PCDHGB4: variants seen among roughly 807,000 people sequenced by gnomAD.
PCDHGB4 encodes protocadherin gamma subfamily B, 4.
PCDHGB4 carries 38 observed loss-of-function variants against 60.5 expected under a neutral mutation model. That is an observed-to-expected ratio of 0.63 (90% confidence interval 0.48 to 0.82). The LOEUF is 0.82. PCDHGB4 is among the 40% of genes least tolerant of loss of function. The pLI is 0.00. For missense variants in PCDHGB4, 1,109 were observed against 1,209.6 expected, an observed-to-expected ratio of 0.92 and a Z score of 1.23; for synonymous variants, 456 against 509.7, an observed-to-expected ratio of 0.89 and a Z score of 1.42.
intron 2 of PCDHGB4, among the ~76,000 whole-genome samples, chr5:141,501,092 C>A: frequency 6.6e-6 from 1 of 152,118 alleles, no homozygotes; most frequent in East Asian, 1.9e-4. Flanking sequence ...TGGTCTCAAT[C>A]TCTTGACCTC....
At chr5:141,392,806 A>C (rs2092599321) in intron 1 of PCDHGB4, 1 of 1,576,662 alleles carries the variant, frequency 6.3e-7, no homozygotes, top group Non-Finnish European at 8.6e-7. Flanking sequence ...TTCTGCAGCA[A>C]AACAACAATG....
chr5:141,490,243 G>A lies in PCDHGB4; in HGVS notation c.2398-4564G>A, dbSNP rs1431165990. 1 of 1,614,238 alleles carries A rather than the reference G, an allele frequency of 6.2e-7. No individual in the cohort carries two copies. The highest frequency in any genetic ancestry group is 8.5e-7 in the Non-Finnish European group (1 of 1,180,038). The stretch of plus-strand genomic sequence containing the variant: ...ACAGCCTGCCATGGAGGGCCACTGT[G>A]TGATTCAAGTGGATGTGGGGGATGT... On this transcript the variant is annotated intron_variant, in intron 1 of 3. Coordinates refer to ENST00000519479, the MANE Select transcript of PCDHGB4 (RefSeq NM_003736.4). This position sits in a 1 kb window ranked among gnomAD's most constrained non-coding sequence, Gnocchi z 5.4.
Position 141,421,318 on chromosome 5 carries a change from C to T in PCDHGB4, c.2397+31037C>T, listed in dbSNP as rs370020854. 5.6e-6 allele frequency: 9 copies of T among 1,613,824 alleles called. No homozygotes were observed. In the East Asian group the frequency reaches 2.0e-4, roughly 36 times the overall value. On this transcript the variant is annotated intron_variant, in intron 1 of 3. Coordinates refer to ENST00000519479, the MANE Select transcript of PCDHGB4 (RefSeq NM_003736.4). ...GACGCTGCGGGGGTTCCGGGCCAGG[C>T]AGATCCGATATTCGGTGCCAGAAGA...
In PCDHGB4 at chr5:141,389,159, G is replaced by C; in HGVS notation, c.1275G>C (p.Arg425=). 6.2e-7 allele frequency: 1 copy of C among 1,613,988 alleles called. No individual in the cohort carries two copies. Among genetic ancestry groups the C allele is most frequent in the Non-Finnish European group, 8.5e-7 (1 of 1,179,874 alleles). Residue 425 remains arginine (R), a synonymous_variant, in exon 1 of 4, where the codon CGG becomes CGC. Transcript: ENST00000519479. The stretch of plus-strand genomic sequence containing the variant: ...ATATAACCGTTACGGCAACAGATCG[G>C]GGCAAGCCTCCCCTCTCCTCCAGTT... The part of the protein sequence containing the change: ...EYNITVTATD[R]GKPPLSSSSS...
At chr5:141,411,881 G>T (rs1299555823) in intron 1 of PCDHGB4, 2 of 152,114 alleles carry the variant, frequency 1.3e-5, no homozygotes, top group Middle Eastern at 3.2e-3. Flanking sequence ...ACATTTCTAA[G>T]AAATAAATGA....
At chr5:141,413,958 G>C in intron 1 of PCDHGB4, 1 of 1,613,392 alleles carries the variant, frequency 6.2e-7, no homozygotes, top group African/African-American at 1.3e-5. Flanking sequence ...ATTTGCCTGT[G>C]GGCACTCAGC....
At chr5:141,428,142 C>T in intron 1 of PCDHGB4, 1 of 1,594,260 alleles carries the variant, frequency 6.3e-7, no homozygotes, top group Non-Finnish European at 8.6e-7. Flanking sequence ...CCTGGGGCTG[C>T]ACACGGGAAC....
At chr5:141,501,557 G>A (rs192507373) in intron 2 of PCDHGB4, among the ~76,000 whole-genome samples, 1 of 152,124 alleles carries the variant, frequency 6.6e-6, no homozygotes, top group Non-Finnish European at 1.5e-5. Context: ...CATAGGCCCT[G>A]GAATCATATT....
At chr5:141,444,531 C>T (rs1021207516) in intron 1 of PCDHGB4, among the ~76,000 whole-genome samples, 2 of 152,100 alleles carry the variant, frequency 1.3e-5, no homozygotes, top group Non-Finnish European at 1.5e-5. Context: ...GAGACAGTGA[C>T]TGTGTCTAGT....
intron 1 of PCDHGB4, among the ~76,000 whole-genome samples, chr5:141,406,975 C>A (rs1434644612): frequency 6.6e-6 from 1 of 152,108 alleles, no homozygotes; most frequent in African/African-American, 2.4e-5. Flanking sequence ...TAGTAAATAA[C>A]ATTTCACAAG....
In PCDHGB4 at chr5:141,489,574, C is replaced by T. The variant is rs963768096; in HGVS notation, c.2398-5233C>T. The T allele has an allele frequency of 2.5e-6, 4 of 1,613,978 alleles. No homozygotes were observed. The highest frequency in any genetic ancestry group is 3.4e-6 in the Non-Finnish European group (4 of 1,180,014). ...GCTGCCAGTGCAGGTGGTGACTGAA[C>T]ACCCCCTGGAGCTAATCCGTGTAGA... On this transcript the variant is annotated intron_variant, in intron 1 of 3. Coordinates refer to ENST00000519479, the MANE Select transcript of PCDHGB4 (RefSeq NM_003736.4). This position sits in a 1 kb window ranked among gnomAD's most constrained non-coding sequence, Gnocchi z 4.5.
chr5:141,399,775 G>A, intron 1 of PCDHGB4: 2 of 1,613,282 alleles, frequency 1.2e-6, no homozygotes, highest in Non-Finnish European at 1.7e-6. Flanking sequence ...GTTGGTGGGC[G>A]ACCGAAACGA....
In PCDHGB4 at chr5:141,477,155, G is replaced by A. The variant is rs2099406190; in HGVS notation, c.2398-17652G>A. ...GTTGGTGGAGGTTGTGGATGTGAATGACAACGCCCCGGAGATCACAGTCAC... is the reference window on the plus strand; with the variant it reads ...GTTGGTGGAGGTTGTGGATGTGAATAACAACGCCCCGGAGATCACAGTCAC... On this transcript the variant is annotated intron_variant, in intron 1 of 3. Coordinates refer to ENST00000519479, the MANE Select transcript of PCDHGB4 (RefSeq NM_003736.4). The surrounding 1 kb of genome is among the most constrained non-coding windows in gnomAD (Gnocchi z 4.9). The A allele has an allele frequency of 6.2e-7, 1 of 1,614,190 alleles. No individual in the cohort carries two copies. The highest frequency in any genetic ancestry group is 8.5e-7 in the Non-Finnish European group (1 of 1,180,042).
At position 141,487,499 on chromosome 5, in the gene PCDHGB4, G is replaced by C; in HGVS notation, c.2398-7308G>C. 6.2e-7 allele frequency: 1 copy of C among 1,614,152 alleles called. No individual in the cohort carries two copies. The highest frequency in any genetic ancestry group is 1.3e-5 in the African/African-American group (1 of 75,042). ...CCACTCTCATGGCTGTACACCCTTG[G>C]CTTCTGCACCCACTCGGAGTGATAG... On this transcript the variant is annotated intron_variant, in intron 1 of 3. Coordinates refer to ENST00000519479, the MANE Select transcript of PCDHGB4 (RefSeq NM_003736.4). The surrounding 1 kb of genome is among the most constrained non-coding windows in gnomAD (Gnocchi z 5.0).
chr5:141,424,699 G>A (rs185769714), intron 1 of PCDHGB4: 222 of 152,060 alleles, frequency 1.5e-3, no homozygotes, highest in African/African-American at 5.2e-3. Flanking sequence ...CTATTTTTTT[G>A]TTCATTTTCA....
intron 1 of PCDHGB4, chr5:141,419,427 A>C: frequency 1.2e-6 from 2 of 1,613,290 alleles, no homozygotes; most frequent in Non-Finnish European, 1.7e-6. Context: ...TTCGACCACG[A>C]GCAGCTGCGC....
At chr5:141,415,401 G>A (rs1408496357) in intron 1 of PCDHGB4, 9 of 1,614,088 alleles carry the variant, frequency 5.6e-6, no homozygotes, top group East Asian at 2.2e-5. Context: ...TGTCCGGCTC[G>A]CACTTTGTGG....
chr5:141,394,746 G>A (rs1380467870), intron 1 of PCDHGB4: 3 of 1,613,418 alleles, frequency 1.9e-6, no homozygotes. Flanking sequence ...CCTCGTGGTG[G>A]CCGTCCAGGA....
At position 141,490,181 on chromosome 5, in the gene PCDHGB4, G is replaced by A. The variant is rs755899660; in HGVS notation, c.2398-4626G>A. ...GGTCCCATAGACTTTGAGGAGTCACGTTTCTATGAAATTCATGCAAGAGCC... is the reference window on the plus strand; with the variant it reads ...GGTCCCATAGACTTTGAGGAGTCACATTTCTATGAAATTCATGCAAGAGCC... On this transcript the variant is annotated intron_variant, in intron 1 of 3. Coordinates refer to ENST00000519479, the MANE Select transcript of PCDHGB4 (RefSeq NM_003736.4). This position sits in a 1 kb window ranked among gnomAD's most constrained non-coding sequence, Gnocchi z 5.4. The A allele has an allele frequency of 9.9e-6, 16 of 1,614,200 alleles. No homozygotes were observed. Among genetic ancestry groups the A allele is most frequent in the Middle Eastern group, 1.6e-4 (1 of 6,062 alleles).
Sources: allele counts gnomAD v4.1 joint callset (sites outside exome capture counted in the v4.1 genomes callset), GRCh38; gene constraint gnomAD v4.1.1; non-coding constraint Gnocchi (gnomAD v3.1); transcripts MANE v1.5; gene names NCBI Gene and HGNC (gene_info 2026-07-23, HGNC 2026-07-21).